Variants in ZDHHC7 observed in about 807,000 individuals in gnomAD.
ZDHHC7 encodes zDHHC palmitoyltransferase 7.
In ZDHHC7, 12 loss-of-function variants were observed where a neutral mutation model predicts 34.1. The observed-to-expected ratio is 0.35, with a 90% CI of 0.23 to 0.57. The LOEUF is 0.57. ZDHHC7 is among the 20% of genes least tolerant of loss of function. ZDHHC7 has a pLI of 0.84. For synonymous variants in ZDHHC7, 185 were observed against 155.4 expected, an observed-to-expected ratio of 1.19 and a Z score of -1.42; for missense variants, 388 against 402.7, an observed-to-expected ratio of 0.96 and a Z score of 0.31.
chr16:85,010,165 G>A (rs529628162), intron 1 of ZDHHC7, among the ~76,000 whole-genome samples: 3 of 150,970 alleles, frequency 2.0e-5, no homozygotes, highest in Non-Finnish European at 2.9e-5. Context: ...GACCTCAGGC[G>A]TGTACCACCA....
rs775088330 is a variant in ZDHHC7 at position 84,982,904 on chromosome 16, C to G, written c.316-910G>C. Among the ~76,000 whole-genome samples, 25 of 152,250 alleles carry G rather than the reference C, an allele frequency of 1.6e-4. 1 individual carries two copies. The highest frequency in any genetic ancestry group is 3.4e-4 in the Non-Finnish European group (23 of 68,048). On this transcript the variant is annotated intron_variant, in intron 3 of 7. Coordinates refer to ENST00000313732, the MANE Select transcript of ZDHHC7 (RefSeq NM_017740.3). The stretch of plus-strand genomic sequence containing the variant: ...GAGCTGAAGGCCAAGAGTCACCCTA[C>G]CAGCACCATGTCAACTGAGGACCCG...
intron 3 of ZDHHC7, among the ~76,000 whole-genome samples, chr16:84,985,561 G>A (rs764181908): frequency 2.6e-5 from 4 of 152,178 alleles, no homozygotes; most frequent in Admixed American, 6.5e-5. Flanking sequence ...ACATTGCAGG[G>A]ACCAGAGAGA....
intron 2 of ZDHHC7, among the ~76,000 whole-genome samples, chr16:84,992,032 C>T (rs760957901): frequency 1.3e-4 from 20 of 151,888 alleles, no homozygotes; most frequent in African/African-American, 4.6e-4. Flanking sequence ...AAAAACCAGC[C>T]GGGCATGGTG....
At chr16:85,015,799 T>G (rs1408340265), upstream of ZDHHC7, among the ~76,000 whole-genome samples, 2 of 150,414 alleles carry the variant, frequency 1.3e-5, no homozygotes, top group Admixed American at 6.7e-5. Context: ...ATCCCACCAC[T>G]GCACTCCAGC....
chr16:85,014,402 T>G (rs2072825912), upstream of ZDHHC7, among the ~76,000 whole-genome samples: 1 of 152,202 alleles, frequency 6.6e-6, no homozygotes, highest in Non-Finnish European at 1.5e-5. Flanking sequence ...GCTCTTTTTT[T>G]TAGAAAAGGT....
intron 2 of ZDHHC7, among the ~76,000 whole-genome samples, chr16:84,995,570 G>C (rs759117633): frequency 2.6e-4 from 40 of 152,122 alleles, no homozygotes; most frequent in Non-Finnish European, 5.0e-4. Context: ...AGGTCGCAGA[G>C]AGCCAAGATC....
At chr16:84,977,005 T>A in intron 7 of ZDHHC7, 90 bp downstream of exon 7, 1 of 1,554,844 alleles carries the variant, frequency 6.4e-7, no homozygotes, top group Non-Finnish European at 8.7e-7. Context: ...CCCGAGTCAG[T>A]CCACAGGCAC....
chr16:84,976,599 C>A, intron 7 of ZDHHC7, 80 bp from the exon 8 acceptor site: 1 of 1,545,670 alleles, frequency 6.5e-7, no homozygotes, highest in Non-Finnish European at 8.7e-7. Flanking sequence ...TCACACCGTG[C>A]TCAAGCACAG....
upstream of ZDHHC7, among the ~76,000 whole-genome samples, chr16:85,016,152 T>C (rs936787574): frequency 1.3e-5 from 2 of 152,016 alleles, no homozygotes; most frequent in African/African-American, 4.8e-5. Flanking sequence ...TTGGGGGGCT[T>C]AGAATTTTAT....
At chr16:85,012,498 G>T (rs1254844322), upstream of ZDHHC7, among the ~76,000 whole-genome samples, 1 of 151,500 alleles carries the variant, frequency 6.6e-6, no homozygotes. Flanking sequence ...TATATACAAT[G>T]CTCCACTAGA....
intron 1 of ZDHHC7, among the ~76,000 whole-genome samples, chr16:85,007,566 G>C (rs1024192484): frequency 9.2e-5 from 14 of 151,912 alleles, no homozygotes; most frequent in African/African-American, 3.4e-4. Flanking sequence ...GATAGTAAAT[G>C]ATAATTCACA....
intron 3 of ZDHHC7, among the ~76,000 whole-genome samples, chr16:84,989,779 G>C (rs1472702083): frequency 6.6e-6 from 1 of 151,224 alleles, no homozygotes; most frequent in Non-Finnish European, 1.5e-5. Context: ...CAAGAACCCA[G>C]TAGATTTTAA....
chr16:85,007,078 G>A lies in ZDHHC7; in HGVS notation c.-104+4208C>T, dbSNP rs185518387. Reference sequence around the variant, plus strand: ...TAAGGCATTGTCTGGGCCCCATATGGAGTCTGGGTTTGATTAGAGGATTAA... The same window carrying A: ...TAAGGCATTGTCTGGGCCCCATATGAAGTCTGGGTTTGATTAGAGGATTAA... On this transcript the variant is annotated intron_variant, in intron 1 of 7. Coordinates refer to ENST00000313732, the MANE Select transcript of ZDHHC7 (RefSeq NM_017740.3). 1.4e-3 allele frequency among the ~76,000 whole-genome samples: 180 copies of A among 130,884 alleles called. 2 individuals carry two copies. Among genetic ancestry groups the A allele is most frequent in the African/African-American group, 4.3e-3 (133 of 30,624 alleles). The allele number at this position is 130,884 out of a possible 152,430, so 85.9% of individuals were successfully genotyped here. A position where few individuals can be genotyped will look rare whatever the true frequency, so the allele number is the denominator to read the frequency against.
At chr16:85,020,048 G>C in the ZDHHC7 span, among the ~76,000 whole-genome samples, 1 of 152,224 alleles carries the variant, frequency 6.6e-6, no homozygotes, top group African/African-American at 2.4e-5. Flanking sequence ...TGGCAGGTGA[G>C]CAACACTAGG....
Position 84,990,564 on chromosome 16 carries a change from C to T in ZDHHC7, c.55G>A (p.Glu19Lys). 1 of 1,614,166 alleles carries T rather than the reference C, an allele frequency of 6.2e-7. No homozygotes were observed. The highest frequency in any genetic ancestry group is 8.5e-7 in the Non-Finnish European group (1 of 1,180,034). The stretch of plus-strand genomic sequence containing the variant: ...GATGAAGAGTCATAGTTGTCATTTT[C>T]AGCCAGGAGAGGATGATGCTCGACG... ...RDVEHHPLLAENDNYDSSSSS... is the reference protein window; with the variant it reads ...RDVEHHPLLAKNDNYDSSSSS... The change falls in exon 3 of 8, where the codon GAA becomes AAA. Residue 19 changes from glutamate to lysine, a missense_variant. Glu to Lys is a moderately conservative substitution (Grantham distance 56). Transcript: ENST00000313732.
chr16:85,010,587 A>C (rs1340732209), intron 1 of ZDHHC7, among the ~76,000 whole-genome samples: 1 of 152,258 alleles, frequency 6.6e-6, no homozygotes, highest in African/African-American at 2.4e-5. Context: ...CAGTAAAAGA[A>C]GCTACAAGGC....
chr16:85,024,629 G>A, the ZDHHC7 span, among the ~76,000 whole-genome samples: 1 of 152,202 alleles, frequency 6.6e-6, no homozygotes, highest in South Asian at 2.1e-4. Flanking sequence ...TATGTCGGCA[G>A]AGGCTCCATC....
the ZDHHC7 span, among the ~76,000 whole-genome samples, chr16:85,020,157 G>A: frequency 6.6e-6 from 1 of 152,228 alleles, no homozygotes; most frequent in African/African-American, 2.4e-5. Context: ...GCTTGCCTTA[G>A]GCACGGGTCT....
At chr16:85,015,202 C>T (rs948938612), upstream of ZDHHC7, among the ~76,000 whole-genome samples, 3 of 151,580 alleles carry the variant, frequency 2.0e-5, no homozygotes, top group Admixed American at 6.6e-5. Context: ...CAGGTTCAAG[C>T]GATTCTCCTG....
Sources: allele counts gnomAD v4.1 joint callset (sites outside exome capture counted in the v4.1 genomes callset), GRCh38; gene constraint gnomAD v4.1.1; transcripts MANE v1.5; gene names NCBI Gene and HGNC (gene_info 2026-07-23, HGNC 2026-07-21).